SUGCT: variants seen among roughly 807,000 people sequenced by gnomAD.
SUGCT encodes the protein succinyl-CoA:glutarate CoA-transferase.
SUGCT carries 41 observed loss-of-function variants against 55.0 expected under a neutral mutation model. The ratio of observed to expected loss-of-function variants is 0.74; its 90% CI spans 0.58 to 0.97. The LOEUF (loss-of-function observed/expected upper bound fraction) is 0.97, where lower values mean the gene tolerates loss of function less well. Ranked by LOEUF, SUGCT falls within the 50% of genes least tolerant of loss-of-function variation. The pLI is 0.00. For missense variants in SUGCT, 568 were observed against 547.8 expected (o/e 1.04, Z -0.37); for synonymous variants, 187 against 200.4 (o/e 0.93, Z 0.56).
At chr7:40,977,614 G>A in the SUGCT span, among the ~76,000 whole-genome samples, 13 of 152,132 alleles carry the variant, frequency 8.5e-5, no homozygotes, top group African/African-American at 3.1e-4. Flanking sequence ...CTTACAAGGT[G>A]GCTGCTCCGA....
At chr7:41,006,997 G>T in the SUGCT span, among the ~76,000 whole-genome samples, 48 of 152,216 alleles carry the variant, frequency 3.2e-4, no homozygotes, top group African/African-American at 1.0e-3. Context: ...TTGTTAGTTG[G>T]TTATGAAGCT....
intron 9 of SUGCT, among the ~76,000 whole-genome samples, chr7:40,353,198 G>A (rs1157407895): frequency 6.6e-6 from 1 of 152,132 alleles, no homozygotes; most frequent in Non-Finnish European, 1.5e-5. Flanking sequence ...TCGGGTGACT[G>A]GTACTGCTAA....
the SUGCT span, among the ~76,000 whole-genome samples, chr7:41,024,378 A>G: frequency 1.7e-4 from 26 of 152,224 alleles, no homozygotes; most frequent in Non-Finnish European, 3.2e-4. Flanking sequence ...CCTTTGTATA[A>G]CAAAAGGCAA....
the SUGCT span, among the ~76,000 whole-genome samples, chr7:40,998,251 G>T: frequency 6.6e-5 from 10 of 151,906 alleles, no homozygotes; most frequent in African/African-American, 2.4e-4. Context: ...ACATGCCTGT[G>T]GTCCCAGCTA....
At chr7:40,708,498 C>T (rs1438276160) in intron 12 of SUGCT, among the ~76,000 whole-genome samples, 2 of 152,190 alleles carry the variant, frequency 1.3e-5, no homozygotes. Flanking sequence ...TTCTCTTGCC[C>T]TATCTACATT....
At chr7:40,198,826 G>A (rs1273827053) in intron 6 of SUGCT, among the ~76,000 whole-genome samples, 2 of 151,840 alleles carry the variant, frequency 1.3e-5, no homozygotes, top group Admixed American at 6.6e-5. Context: ...ACGAAACCCC[G>A]TCTCTACTAA....
chr7:40,732,105 G>T (rs894127011), intron 12 of SUGCT, among the ~76,000 whole-genome samples: 1 of 152,172 alleles, frequency 6.6e-6, no homozygotes, highest in African/African-American at 2.4e-5. Flanking sequence ...AGTTCTGGAG[G>T]CCAGAAATTC....
intron 1 of SUGCT, among the ~76,000 whole-genome samples, chr7:40,168,867 G>A (rs2150671003): frequency 6.6e-6 from 1 of 152,214 alleles, no homozygotes; most frequent in South Asian, 2.1e-4. Context: ...CCTTCTATAA[G>A]CATTTCTAAT....
At chr7:40,601,155 G>A (rs1245979723) in intron 12 of SUGCT, among the ~76,000 whole-genome samples, 2 of 152,202 alleles carry the variant, frequency 1.3e-5, no homozygotes, top group African/African-American at 2.4e-5. Flanking sequence ...ATGGCCAGAT[G>A]TATTAGTAGC....
the SUGCT span, chr7:40,966,507 G>A: frequency 3.3e-5 from 5 of 152,150 alleles, no homozygotes; most frequent in East Asian, 3.9e-4. Context: ...CTGCGTTCAC[G>A]CTCAGAGCCT....
At chr7:40,876,208 G>A in the SUGCT span, among the ~76,000 whole-genome samples, 14 of 151,994 alleles carry the variant, frequency 9.2e-5, no homozygotes, top group Non-Finnish European at 2.1e-4. Context: ...TTCCAACTTT[G>A]TTGACATTAT....
intron 13 of SUGCT, among the ~76,000 whole-genome samples, chr7:40,752,269 G>A (rs1318707641): frequency 6.6e-6 from 1 of 152,196 alleles, no homozygotes; most frequent in African/African-American, 2.4e-5. Flanking sequence ...ACTGGGGCAA[G>A]CAGAAACCAC....
intron 11 of SUGCT, among the ~76,000 whole-genome samples, chr7:40,491,150 T>A (rs1304946221): frequency 6.6e-6 from 1 of 152,230 alleles, no homozygotes; most frequent in African/African-American, 2.4e-5. Context: ...AGTAACAGTC[T>A]GTTTTTAGTG....
intron 9 of SUGCT, among the ~76,000 whole-genome samples, chr7:40,357,912 G>A (rs1449019568): frequency 6.6e-6 from 1 of 152,082 alleles, no homozygotes; most frequent in African/African-American, 2.4e-5. Context: ...GTTGTTTGCT[G>A]ACCCCTACTG....
intron 8 of SUGCT, among the ~76,000 whole-genome samples, chr7:40,276,001 A>C (rs1473004759): frequency 6.6e-6 from 1 of 152,204 alleles, no homozygotes; most frequent in Non-Finnish European, 1.5e-5. Flanking sequence ...CCCAGTTGGG[A>C]ATTTCAGATT....
intron 12 of SUGCT, among the ~76,000 whole-genome samples, chr7:40,601,956 C>G (rs1368957085): frequency 2.0e-5 from 3 of 152,126 alleles, no homozygotes; most frequent in African/African-American, 7.2e-5. Flanking sequence ...TTAAAGCACT[C>G]AACATTTTCA....
chr7:40,195,901 A>G (rs954999408), intron 6 of SUGCT, among the ~76,000 whole-genome samples: 2 of 151,178 alleles, frequency 1.3e-5, no homozygotes, highest in Non-Finnish European at 2.9e-5. Context: ...TTTAGTAGAG[A>G]CAGTGTTTCA....
chr7:40,684,694 C>CA (rs1784393576), intron 12 of SUGCT, among the ~76,000 whole-genome samples: 1 of 152,156 alleles, frequency 6.6e-6, no homozygotes, highest in Admixed American at 6.5e-5. Flanking sequence ...CTACACAACT[C>CA]ACAACCTGCT....
chr7:40,244,714 ATTC>A (rs1230412961), intron 7 of SUGCT, among the ~76,000 whole-genome samples: 1 of 152,228 alleles, frequency 6.6e-6, no homozygotes, highest in Non-Finnish European at 1.5e-5. Context: ...GCACCGTATT[ATTC>A]TTAGTTTTTA....
Sources: gnomAD v4.1 joint callset for allele counts (sites outside exome capture counted in the v4.1 genomes callset) on GRCh38, gnomAD v4.1.1 for gene constraint, MANE v1.5 for transcripts, NCBI Gene and HGNC (gene_info 2026-07-23, HGNC 2026-07-21) for gene names.